Variants in VWA3B observed in about 807,000 individuals in gnomAD.
The protein encoded by VWA3B is von Willebrand factor A domain-containing protein 3B.
In VWA3B, 138 loss-of-function variants were observed where a neutral mutation model predicts 158.3. The ratio of observed to expected loss-of-function variants is 0.87; its 90% CI spans 0.76 to 1.00. The LOEUF is 1.00. Ranked by LOEUF, VWA3B falls within the 50% of genes least tolerant of loss-of-function variation. The probability of loss-of-function intolerance (pLI) is 0.00; values close to 1 mark genes in which losing one functional copy is unlikely to be tolerated. For missense variants in VWA3B, 1,555 were observed against 1,565.1 expected (o/e 0.99, Z 0.11); for synonymous variants, 596 against 587.3 (o/e 1.01, Z -0.21).
intron 7 of VWA3B, among the ~76,000 whole-genome samples, chr2:98,137,272 G>A (rs1219882426): frequency 6.6e-6 from 1 of 152,120 alleles, no homozygotes; most frequent in East Asian, 1.9e-4. Flanking sequence ...CCTACCAACA[G>A]TGCACAAAGT....
At chr2:98,242,236 C>T in intron 19 of VWA3B, 1 of 456,196 alleles carries the variant, frequency 2.2e-6, no homozygotes, top group South Asian at 1.5e-5. Flanking sequence ...TTCTGGAACA[C>T]AATGCTGTTT....
At chr2:98,131,106 G>C (rs868244210) in intron 6 of VWA3B, among the ~76,000 whole-genome samples, 4 of 152,012 alleles carry the variant, frequency 2.6e-5, no homozygotes, top group South Asian at 2.1e-4. Context: ...TTTATCCCCC[G>C]ATCCTCACAC....
chr2:98,116,606 G>T (rs1458056232), intron 3 of VWA3B, among the ~76,000 whole-genome samples: 1 of 152,034 alleles, frequency 6.6e-6, no homozygotes, highest in Non-Finnish European at 1.5e-5. Context: ...TCCCGGGTCC[G>T]AGCGATCCTC....
intron 17 of VWA3B, among the ~76,000 whole-genome samples, 166 bp downstream of exon 17, chr2:98,234,933 C>T (rs1175022979): frequency 1.3e-5 from 2 of 152,150 alleles, no homozygotes; most frequent in Admixed American, 1.3e-4. Flanking sequence ...TGCTTTATGA[C>T]CTGGATTTTC....
chr2:98,298,109 G>GC, intron 24 of VWA3B, 78 bp downstream of exon 24: 3 of 1,354,558 alleles, frequency 2.2e-6, no homozygotes, highest in Non-Finnish European at 2.9e-6. Flanking sequence ...CAAGGCCACT[G>GC]TTTGGCCCTT....
intron 22 of VWA3B, among the ~76,000 whole-genome samples, chr2:98,272,253 T>G (rs1480611385): frequency 6.6e-6 from 1 of 152,238 alleles, no homozygotes. Context: ...TTGAGTTTGA[T>G]TAATTTGCGT....
intron 7 of VWA3B, among the ~76,000 whole-genome samples, chr2:98,138,530 G>T (rs188790419): frequency 6.6e-6 from 1 of 152,304 alleles, no homozygotes; most frequent in African/African-American, 2.4e-5. Flanking sequence ...TGCCCCCTGA[G>T]CCCAGGAAGC....
At chr2:98,201,267 T>C (rs534316866) in intron 12 of VWA3B, among the ~76,000 whole-genome samples, 2 of 152,314 alleles carry the variant, frequency 1.3e-5, no homozygotes, top group East Asian at 1.9e-4. Flanking sequence ...GTCTTTTTTG[T>C]TACTATTGTA....
chr2:98,207,220 A>C (rs1223461870), intron 12 of VWA3B: 2 of 543,140 alleles, frequency 3.7e-6, no homozygotes, highest in African/African-American at 3.8e-5. Context: ...TCACCTCTGT[A>C]CAGGCTATGT....
intron 22 of VWA3B, among the ~76,000 whole-genome samples, chr2:98,276,769 T>C (rs1259067182): frequency 6.6e-6 from 1 of 151,718 alleles, no homozygotes; most frequent in Non-Finnish European, 1.5e-5. Flanking sequence ...GGGCTGCCCA[T>C]GTGTGTCCAG....
At chr2:98,282,089 G>A (rs746388246) in intron 22 of VWA3B, among the ~76,000 whole-genome samples, 5 of 152,196 alleles carry the variant, frequency 3.3e-5, no homozygotes, top group Non-Finnish European at 5.9e-5. Flanking sequence ...ACGGCACCCC[G>A]AAGTCTTTGG....
chr2:98,260,830 G>T, intron 21 of VWA3B, among the ~76,000 whole-genome samples: 1 of 151,642 alleles, frequency 6.6e-6, no homozygotes, highest in East Asian at 1.9e-4. Context: ...CTATTTTGCT[G>T]GTAATATTAT....
intron 12 of VWA3B, among the ~76,000 whole-genome samples, chr2:98,201,360 A>G (rs1348112684): frequency 6.6e-6 from 1 of 152,194 alleles, no homozygotes; most frequent in East Asian, 1.9e-4. Flanking sequence ...TGACCTTGCT[A>G]ATCTTACTTA....
At chr2:98,251,849 G>T (rs1002602483) in intron 20 of VWA3B, among the ~76,000 whole-genome samples, 2 of 152,166 alleles carry the variant, frequency 1.3e-5, no homozygotes, top group African/African-American at 4.8e-5. Context: ...CCTCACCCGA[G>T]AGTGGAGGCC....
chr2:98,147,053 G>A (rs527997106), intron 7 of VWA3B, among the ~76,000 whole-genome samples: 6 of 152,118 alleles, frequency 3.9e-5, no homozygotes, highest in South Asian at 2.1e-4. Flanking sequence ...TCTTAATTTC[G>A]CAAATTCCAA....
chr2:98,192,796 A>T, intron 10 of VWA3B, 102 bp from the exon 11 acceptor site: 1 of 1,504,568 alleles, frequency 6.6e-7, no homozygotes, highest in Non-Finnish European at 9.2e-7. Context: ...TAAACAACAT[A>T]GCGCAGCTCT....
chr2:98,236,548 A>C, intron 18 of VWA3B, 26 bp from the exon 19 acceptor site: 3 of 1,613,854 alleles, frequency 1.9e-6, no homozygotes, highest in Non-Finnish European at 2.5e-6. Flanking sequence ...TGTAAATTTT[A>C]AAACACCACC....
chr2:98,305,452 C>T (rs950939544), intron 26 of VWA3B, among the ~76,000 whole-genome samples: 1 of 152,162 alleles, frequency 6.6e-6, no homozygotes, highest in South Asian at 2.1e-4. Context: ...AGCTCATCTG[C>T]AGGATGACAG....
At chr2:98,144,848 G>A (rs1677053408) in intron 7 of VWA3B, among the ~76,000 whole-genome samples, 1 of 152,110 alleles carries the variant, frequency 6.6e-6, no homozygotes, top group Admixed American at 6.5e-5. Context: ...TTACAGGCAT[G>A]AGCCACCGCG....
Sources: gnomAD v4.1 joint callset for allele counts (sites outside exome capture counted in the v4.1 genomes callset) on GRCh38, gnomAD v4.1.1 for gene constraint, MANE v1.5 for transcripts, NCBI Gene and HGNC (gene_info 2026-07-23, HGNC 2026-07-21) for gene names.